Variants in JARID2 observed in about 807,000 individuals in gnomAD.
The protein encoded by JARID2 is protein Jumonji.
In JARID2, 21 loss-of-function variants were observed where a neutral mutation model predicts 125.6. The observed-to-expected ratio is 0.17, with a 90% confidence interval of 0.12 to 0.24. The LOEUF (loss-of-function observed/expected upper bound fraction) is 0.24, where lower values mean the gene tolerates loss of function less well. Among genes scored for constraint, JARID2 ranks in the 10% least tolerant of loss-of-function variants. The probability of loss-of-function intolerance (pLI) is 1.00; values close to 1 mark genes in which losing one functional copy is unlikely to be tolerated. For synonymous variants in JARID2, 736 were observed against 661.6 expected, an observed-to-expected ratio of 1.11 and a Z score of -1.73; for missense variants, 1,303 against 1,639.6, an observed-to-expected ratio of 0.79 and a Z score of 3.55.
At chr6:15,383,994 G>A (rs187509872) in intron 2 of JARID2, among the ~76,000 whole-genome samples, 9 of 151,704 alleles carry the variant, frequency 5.9e-5, no homozygotes, top group East Asian at 2.0e-4. Flanking sequence ...GAGTTTCTCC[G>A]TGTTGGTCAG....
intron 1 of JARID2, among the ~76,000 whole-genome samples, chr6:15,264,612 A>AGT (rs148424538): frequency 0.13 from 18,796 of 146,046 alleles, 1,390 homozygotes; most frequent in African/African-American, 0.22. Context: ...GGTAGGTGTG[A>AGT]GTGTGTGTGT....
chr6:15,324,170 C>T (rs1329936070), intron 1 of JARID2, among the ~76,000 whole-genome samples: 1 of 149,134 alleles, frequency 6.7e-6, no homozygotes, highest in Non-Finnish European at 1.5e-5. Flanking sequence ...CAGAGCTAGA[C>T]TCTGTCTCAA....
In JARID2 at chr6:15,404,572, C is replaced by G. The variant is rs193129629; in HGVS notation, c.182-5652C>G. 3.9e-3 allele frequency among the ~76,000 whole-genome samples: 480 copies of G among 124,488 alleles called. 3 individuals carry two copies. The highest frequency in any genetic ancestry group is 0.015 in the South Asian group (55 of 3,714). 81.7% of individuals were successfully genotyped at this position (124,488 alleles called of 152,430 possible). On this transcript the variant is annotated intron_variant, in intron 2 of 17. Coordinates refer to ENST00000341776, the MANE Select transcript of JARID2 (RefSeq NM_004973.4). ...ACACACACACACACACACACACACA[C>G]AGAAATTGCTGCTGAAAATGAAAGC...
At chr6:15,354,499 CAG>C (rs890861863) in intron 1 of JARID2, among the ~76,000 whole-genome samples, 1 of 152,172 alleles carries the variant, frequency 6.6e-6, no homozygotes, top group East Asian at 1.9e-4. Flanking sequence ...TTTGTTAACA[CAG>C]GGGTTAGACA....
intron 1 of JARID2, chr6:15,248,019 C>A: frequency 1.0e-6 from 1 of 985,412 alleles, no homozygotes; most frequent in Non-Finnish European, 1.2e-6. Context: ...CCGCACCCCG[C>A]CTCCCATTCC....
At chr6:15,396,094 C>T (rs1336389415) in intron 2 of JARID2, among the ~76,000 whole-genome samples, 1 of 152,172 alleles carries the variant, frequency 6.6e-6, no homozygotes, top group African/African-American at 2.4e-5. Context: ...AAAGGTTGAT[C>T]ATGTTGTTTG....
chr6:15,248,141 G>A, intron 1 of JARID2: 1 of 959,592 alleles, frequency 1.0e-6, no homozygotes, highest in Non-Finnish European at 1.2e-6. Flanking sequence ...GTGGCTGGCG[G>A]CGGCTGCGGG....
chr6:15,355,331 A>C (rs186971902), intron 1 of JARID2, among the ~76,000 whole-genome samples: 34 of 152,358 alleles, frequency 2.2e-4, no homozygotes, highest in Admixed American at 3.3e-4. Context: ...CAGAAATCTT[A>C]AAATTTTTAC....
In JARID2 at chr6:15,468,406, G is replaced by A. The variant is rs547880983; in HGVS notation, c.494-136G>A. 4.1e-5 allele frequency: 28 copies of A among 688,994 alleles called. 3 individuals carry two copies. The African/African-American group carries it at 4.4e-4, about 11-fold the overall frequency. 42.7% of individuals were successfully genotyped at this position (688,994 alleles called of 1,614,324 possible). A position where few individuals can be genotyped will look rare whatever the true frequency, so the allele number is the denominator to read the frequency against. On this transcript the variant is annotated intron_variant, in intron 4 of 17. Coordinates refer to ENST00000341776, the MANE Select transcript of JARID2 (RefSeq NM_004973.4). ...GGCACAGATGATCTTGGGAGCATTT[G>A]AAAAATAAATTTAAAATGGCAGTAG... is the stretch of plus-strand genomic sequence containing the variant.
chr6:15,466,380 T>C (rs1768740325), intron 4 of JARID2, among the ~76,000 whole-genome samples: 1 of 152,194 alleles, frequency 6.6e-6, no homozygotes, highest in Admixed American at 6.5e-5. Context: ...CAAGATACAG[T>C]ATAGGAAGGT....
At chr6:15,516,840 G>C (rs1336269405) in intron 16 of JARID2, among the ~76,000 whole-genome samples, 1 of 152,210 alleles carries the variant, frequency 6.6e-6, no homozygotes, top group Non-Finnish European at 1.5e-5. Flanking sequence ...TAGCAGCCTG[G>C]TGGTGACTGA....
chr6:15,296,654 A>G (rs948202290), intron 1 of JARID2, among the ~76,000 whole-genome samples: 1 of 152,134 alleles, frequency 6.6e-6, no homozygotes, highest in Non-Finnish European at 1.5e-5. Context: ...AAAATTAAGG[A>G]TATTTTGTTC....
intron 3 of JARID2, among the ~76,000 whole-genome samples, chr6:15,434,793 C>G (rs770471482): frequency 4.6e-5 from 7 of 152,110 alleles, no homozygotes; most frequent in African/African-American, 7.2e-5. Context: ...CTTTCCGTAT[C>G]TTGGGCCTTA....
At chr6:15,443,571 G>T (rs1023613641) in intron 3 of JARID2, among the ~76,000 whole-genome samples, 1 of 152,140 alleles carries the variant, frequency 6.6e-6, no homozygotes, top group African/African-American at 2.4e-5. Flanking sequence ...GAAAGTTGGC[G>T]CTAGAAATCT....
At chr6:15,488,048 C>T (rs905516786) in intron 6 of JARID2, among the ~76,000 whole-genome samples, 2 of 152,172 alleles carry the variant, frequency 1.3e-5, no homozygotes, top group Admixed American at 6.5e-5. Context: ...GGCTGGGTGG[C>T]ACCTCTTCCA....
chr6:15,497,348 G>A (rs1041033572), intron 7 of JARID2, among the ~76,000 whole-genome samples, 178 bp downstream of exon 7: 6 of 152,200 alleles, frequency 3.9e-5, no homozygotes, highest in Non-Finnish European at 7.3e-5. Context: ...CAGGTCCTGG[G>A]CGTTGGTGGC....
chr6:15,370,523 A>G (rs867688584), intron 1 of JARID2, among the ~76,000 whole-genome samples: 6 of 151,850 alleles, frequency 4.0e-5, no homozygotes, highest in African/African-American at 1.5e-4. Context: ...ATTTTCTTTT[A>G]GTAGAGACAG....
At chr6:15,517,523 GC>G (rs570974988) in intron 17 of JARID2, among the ~76,000 whole-genome samples, 10 of 152,024 alleles carry the variant, frequency 6.6e-5, no homozygotes, top group African/African-American at 9.7e-5. Context: ...TCCTGCAGCC[GC>G]CCCCCCGGCT....
chr6:15,507,827 C>T (rs1035263895), intron 11 of JARID2, among the ~76,000 whole-genome samples: 1 of 152,194 alleles, frequency 6.6e-6, no homozygotes, highest in African/African-American at 2.4e-5. Flanking sequence ...AGGTTGTGGT[C>T]ACCATGAATG....
Sources: gnomAD v4.1 joint callset for allele counts (sites outside exome capture counted in the v4.1 genomes callset) on GRCh38, gnomAD v4.1.1 for gene constraint, MANE v1.5 for transcripts, NCBI Gene and HGNC (gene_info 2026-07-23, HGNC 2026-07-21) for gene names.